Variants in SH3D19 observed in about 807,000 individuals in gnomAD.
SH3D19 encodes the protein SH3 domain-containing protein 19.
SH3D19 carries 58 observed loss-of-function variants against 112.1 expected under a neutral mutation model. The ratio of observed to expected loss-of-function variants is 0.52; its 90% CI spans 0.42 to 0.64. The LOEUF (loss-of-function observed/expected upper bound fraction) is 0.64, where lower values mean the gene tolerates loss of function less well. Among genes scored for constraint, SH3D19 ranks in the 30% least tolerant of loss-of-function variants. The probability of loss-of-function intolerance (pLI) is 0.00; values close to 1 mark genes in which losing one functional copy is unlikely to be tolerated. For synonymous variants in SH3D19, 391 were observed against 448.5 expected, an observed-to-expected ratio of 0.87 and a Z score of 1.62; for missense variants, 1,090 against 1,263.4, an observed-to-expected ratio of 0.86 and a Z score of 2.08.
At chr4:151,165,896 C>T (rs889657201) in intron 7 of SH3D19, 200 bp from the exon 8 acceptor site, 8 of 507,188 alleles carry the variant, frequency 1.6e-5, no homozygotes, top group Admixed American at 3.3e-5. Flanking sequence ...ATAATTCATG[C>T]GGCTTTTCTT....
At chr4:151,310,586 T>G (rs1450090218) in intron 1 of SH3D19, among the ~76,000 whole-genome samples, 6 of 151,898 alleles carry the variant, frequency 4.0e-5, no homozygotes, top group Admixed American at 6.6e-5. Context: ...CTCTCTTTTT[T>G]TTTTTTTTAG....
At chr4:151,179,496 A>T (rs576211999) in intron 3 of SH3D19, 99 bp from the exon 4 acceptor site, 1 of 532,160 alleles carries the variant, frequency 1.9e-6, no homozygotes, top group Admixed American at 4.4e-5. Context: ...CTTATACTTG[A>T]CATCATATAG....
chr4:151,132,098 A>G (rs542672535), intron 17 of SH3D19, among the ~76,000 whole-genome samples: 89 of 152,256 alleles, frequency 5.8e-4, no homozygotes, highest in Non-Finnish European at 1.0e-3. Context: ...TGTTGGGATT[A>G]CAGGCATGAG....
chr4:151,233,284 A>G (rs1265675397), intron 1 of SH3D19, among the ~76,000 whole-genome samples: 2 of 152,086 alleles, frequency 1.3e-5, no homozygotes, highest in East Asian at 3.8e-4. Flanking sequence ...TACACGATAA[A>G]TGTAATATGT....
At chr4:151,232,332 T>C (rs1041152046) in intron 1 of SH3D19, among the ~76,000 whole-genome samples, 7 of 151,952 alleles carry the variant, frequency 4.6e-5, no homozygotes, top group Non-Finnish European at 1.0e-4. Context: ...CCCCAGTTTC[T>C]TCCCTCTAAC....
intron 1 of SH3D19, among the ~76,000 whole-genome samples, chr4:151,254,047 G>A (rs1390968530): frequency 6.6e-6 from 1 of 152,170 alleles, no homozygotes; most frequent in Non-Finnish European, 1.5e-5. Flanking sequence ...TTATTGCACA[G>A]TATAATTAGT....
Position 151,127,716 on chromosome 4 carries a change from C to T in SH3D19, c.2930-1G>A. Reference sequence around the variant, plus strand: ...ATGGCCAACATACTTTTTGCCTCAGCTGTGAAGACATAAAAAATTTAAATA... The same window carrying T: ...ATGGCCAACATACTTTTTGCCTCAGTTGTGAAGACATAAAAAATTTAAATA... On this transcript the variant is annotated splice_acceptor_variant, in intron 18 of 19. Transcript: ENST00000604030. LOFTEE classifies it high-confidence loss of function. 1 of 1,565,608 alleles carries T rather than the reference C, an allele frequency of 6.4e-7. No homozygotes were observed. Among genetic ancestry groups the T allele is most frequent in the Non-Finnish European group, 8.6e-7 (1 of 1,161,196 alleles).
chr4:151,193,435 A>G (rs1193529789), intron 2 of SH3D19, among the ~76,000 whole-genome samples: 3 of 152,216 alleles, frequency 2.0e-5, no homozygotes, highest in African/African-American at 7.2e-5. Context: ...TACTTTTAGT[A>G]TCAATTAACA....
intron 2 of SH3D19, among the ~76,000 whole-genome samples, chr4:151,214,974 G>GCTCCTCAC (rs1363201959): frequency 6.8e-6 from 1 of 146,768 alleles, no homozygotes; most frequent in Non-Finnish European, 1.5e-5. Context: ...GGGCAGAGAC[G>GCTCCTCAC]CTCCTCACCT....
chr4:151,167,410 C>G (rs1190948865), intron 7 of SH3D19, among the ~76,000 whole-genome samples: 1 of 151,856 alleles, frequency 6.6e-6, no homozygotes. Flanking sequence ...GTAATCTCAT[C>G]TCTCTAAAAT....
chr4:151,162,707 G>C (rs1286994482), intron 8 of SH3D19, among the ~76,000 whole-genome samples: 1 of 149,300 alleles, frequency 6.7e-6, no homozygotes, highest in Non-Finnish European at 1.5e-5. Flanking sequence ...CGATTCTCCT[G>C]CATCAGCCAA....
intron 1 of SH3D19, among the ~76,000 whole-genome samples, chr4:151,283,986 T>A (rs1774499885): frequency 6.6e-6 from 1 of 152,228 alleles, no homozygotes; most frequent in Admixed American, 6.5e-5. Context: ...TTGCTCTGGC[T>A]GCTTTCAGTA....
intron 1 of SH3D19, among the ~76,000 whole-genome samples, chr4:151,320,268 T>C (rs1421584145): frequency 6.6e-6 from 1 of 152,232 alleles, no homozygotes; most frequent in Non-Finnish European, 1.5e-5. Context: ...CCTACTACTC[T>C]TCCAGATGTT....
At chr4:151,203,203 C>T (rs551159184) in intron 2 of SH3D19, among the ~76,000 whole-genome samples, 2 of 152,220 alleles carry the variant, frequency 1.3e-5, no homozygotes, top group Non-Finnish European at 1.5e-5. Context: ...ATCGCAGCAT[C>T]GGTGCCACTG....
chr4:151,133,979 A>G (rs1751294353), intron 15 of SH3D19, among the ~76,000 whole-genome samples: 1 of 152,206 alleles, frequency 6.6e-6, no homozygotes, highest in Non-Finnish European at 1.5e-5. Flanking sequence ...GGAAGTTTCA[A>G]TAGCAACAGG....
At chr4:151,211,297 T>C (rs1015124944) in intron 2 of SH3D19, among the ~76,000 whole-genome samples, 1 of 151,740 alleles carries the variant, frequency 6.6e-6, no homozygotes. Context: ...GATAGTGAAC[T>C]TAATGGATAA....
chr4:151,222,667 C>CTCTCTCTCTCTCTT (rs386401881), intron 2 of SH3D19, among the ~76,000 whole-genome samples: 3 of 87,240 alleles, frequency 3.4e-5, no homozygotes, highest in Admixed American at 1.4e-4. Flanking sequence ...CTCTCTCTCT[C>CTCTCTCTCTCTCTT]TTTTTTTTTT....
At chr4:151,307,203 T>A (rs1729006865) in intron 1 of SH3D19, among the ~76,000 whole-genome samples, 1 of 151,746 alleles carries the variant, frequency 6.6e-6, no homozygotes, top group Non-Finnish European at 1.5e-5. Context: ...TTTTTATTTT[T>A]AGTAGAGACG....
intron 1 of SH3D19, among the ~76,000 whole-genome samples, chr4:151,265,027 AATG>A (rs1561413006): frequency 6.6e-6 from 1 of 152,202 alleles, no homozygotes; most frequent in African/African-American, 2.4e-5. Flanking sequence ...ATTGTTTAAA[AATG>A]ATAATTTTCA....
Sources: allele counts gnomAD v4.1 joint callset (sites outside exome capture counted in the v4.1 genomes callset), GRCh38; gene constraint gnomAD v4.1.1; transcripts MANE v1.5; gene names NCBI Gene and HGNC (gene_info 2026-07-23, HGNC 2026-07-21).